Variants in C8orf34 observed in about 807,000 individuals in gnomAD.
The protein encoded by C8orf34 is uncharacterized protein C8orf34.
A neutral mutation model predicts 68.3 loss-of-function variants in C8orf34; 65 were observed. The observed-to-expected ratio is 0.95, with a 90% CI of 0.78 to 1.17. The LOEUF is 1.17. C8orf34 is among the 50% of genes most tolerant of loss of function. The pLI is 0.00. For synonymous variants in C8orf34, 244 were observed against 241.2 expected (o/e 1.01, Z -0.11); for missense variants, 664 against 655.4 (o/e 1.01, Z -0.14).
intron 7 of C8orf34, among the ~76,000 whole-genome samples, chr8:68,614,125 T>G (rs1010390890): frequency 3.9e-5 from 6 of 152,198 alleles, no homozygotes; most frequent in African/African-American, 1.2e-4. Flanking sequence ...CGCCCACTTT[T>G]TGATGGGATT....
intron 1 of C8orf34, among the ~76,000 whole-genome samples, chr8:68,385,005 T>C (rs148847751): frequency 2.0e-5 from 3 of 152,328 alleles, no homozygotes; most frequent in African/African-American, 4.8e-5. Flanking sequence ...GAAAAAAATA[T>C]GCAATATGCT....
At chr8:68,393,167 T>C (rs1439327963) in intron 1 of C8orf34, among the ~76,000 whole-genome samples, 1 of 152,166 alleles carries the variant, frequency 6.6e-6, no homozygotes, top group Non-Finnish European at 1.5e-5. Context: ...GTCTAGATGG[T>C]CTGAAACCAG....
intron 10 of C8orf34, among the ~76,000 whole-genome samples, chr8:68,767,859 G>C (rs984719748): frequency 1.3e-5 from 2 of 152,082 alleles, no homozygotes; most frequent in Non-Finnish European, 2.9e-5. Flanking sequence ...AGCAGCCAGT[G>C]ATACTAAATA....
chr8:68,730,866 C>A (rs1377515537), intron 10 of C8orf34, among the ~76,000 whole-genome samples: 2 of 152,064 alleles, frequency 1.3e-5, no homozygotes, highest in Non-Finnish European at 2.9e-5. Context: ...AGATCCCAGT[C>A]ATGAGTCTGT....
intron 7 of C8orf34, among the ~76,000 whole-genome samples, chr8:68,571,851 T>C (rs748991205): frequency 6.6e-6 from 1 of 152,146 alleles, no homozygotes; most frequent in Non-Finnish European, 1.5e-5. Context: ...CTAACAATAA[T>C]GACACACGTA....
chr8:68,724,856 C>T (rs1001788504), intron 10 of C8orf34, among the ~76,000 whole-genome samples: 1 of 151,992 alleles, frequency 6.6e-6, no homozygotes, highest in Non-Finnish European at 1.5e-5. Context: ...ATTTCTATGG[C>T]TTTCTTATTT....
intron 7 of C8orf34, among the ~76,000 whole-genome samples, chr8:68,640,146 A>G (rs906749665): frequency 6.6e-6 from 1 of 152,192 alleles, no homozygotes; most frequent in Non-Finnish European, 1.5e-5. Flanking sequence ...CACTCTCCAT[A>G]TATTCAGTCT....
intron 3 of C8orf34, among the ~76,000 whole-genome samples, chr8:68,462,345 G>C (rs137931117): frequency 6.6e-6 from 1 of 152,146 alleles, no homozygotes; most frequent in East Asian, 1.9e-4. Flanking sequence ...AATAATGGGA[G>C]AATCTAATAC....
chr8:68,606,450 A>G (rs1281367234), intron 7 of C8orf34, among the ~76,000 whole-genome samples: 1 of 152,170 alleles, frequency 6.6e-6, no homozygotes, highest in Non-Finnish European at 1.5e-5. Flanking sequence ...CCCATAACTT[A>G]CAGAGAGAGG....
chr8:68,549,856 T>C (rs1170580577), intron 7 of C8orf34, among the ~76,000 whole-genome samples: 2 of 151,776 alleles, frequency 1.3e-5, no homozygotes, highest in Non-Finnish European at 3.0e-5. Context: ...AAGCCCCTCT[T>C]TTATCCCTGA....
chr8:68,598,238 C>G (rs1026740028), intron 7 of C8orf34, among the ~76,000 whole-genome samples: 4 of 152,128 alleles, frequency 2.6e-5, no homozygotes, highest in African/African-American at 7.2e-5. Flanking sequence ...GAAGACAGTA[C>G]AGATGGGCTT....
At chr8:68,769,107 G>T (rs954928486) in intron 10 of C8orf34, among the ~76,000 whole-genome samples, 1 of 151,872 alleles carries the variant, frequency 6.6e-6, no homozygotes, top group African/African-American at 2.4e-5. Flanking sequence ...CAGGCATGCA[G>T]TGCAATGTGT....
In C8orf34 at chr8:68,723,809, A is replaced by G. The variant is rs138289384; in HGVS notation, c.1404+2372A>G. On this transcript the variant is annotated intron_variant, in intron 10 of 13. Transcript: ENST00000518698. ...AATAATACATAAAAATGCAAAGAAA[A>G]AAGAAATTAGCTTTATTTGACCGAA... Among the ~76,000 whole-genome samples, 670 of 152,260 alleles carry G rather than the reference A, an allele frequency of 4.4e-3. 10 individuals are homozygous for G. The highest frequency in any genetic ancestry group is 0.015 in the African/African-American group (632 of 41,562).
chr8:68,816,981 A>G (rs970854810), intron 13 of C8orf34, among the ~76,000 whole-genome samples: 2 of 152,164 alleles, frequency 1.3e-5, no homozygotes, highest in African/African-American at 4.8e-5. Flanking sequence ...TCCTCAGCCC[A>G]TCAAGTGTGC....
intron 1 of C8orf34, among the ~76,000 whole-genome samples, chr8:68,418,729 G>A (rs981013061): frequency 2.6e-5 from 4 of 152,072 alleles, no homozygotes; most frequent in Non-Finnish European, 2.9e-5. Context: ...AAGCAATGGG[G>A]AAAGGATTCC....
At chr8:68,567,065 A>G (rs1816612035) in intron 7 of C8orf34, among the ~76,000 whole-genome samples, 1 of 151,994 alleles carries the variant, frequency 6.6e-6, no homozygotes, top group East Asian at 1.9e-4. Flanking sequence ...ATCTATGTTC[A>G]TCTATGTTGG....
chr8:68,700,188 A>G (rs1343983747), intron 8 of C8orf34, among the ~76,000 whole-genome samples: 3 of 152,124 alleles, frequency 2.0e-5, no homozygotes, highest in Non-Finnish European at 4.4e-5. Context: ...AGAAAAGAAT[A>G]TACTAAAATA....
At chr8:68,808,935 C>T (rs1408531637) in intron 12 of C8orf34, among the ~76,000 whole-genome samples, 1 of 129,880 alleles carries the variant, frequency 7.7e-6, no homozygotes, top group African/African-American at 3.6e-5. Flanking sequence ...TAAGTGTTCA[C>T]TGTAATTACT....
chr8:68,640,240 T>G, intron 7 of C8orf34, 136 bp from the exon 8 acceptor site: 2 of 692,174 alleles, frequency 2.9e-6, no homozygotes, highest in Non-Finnish European at 4.8e-6. Context: ...AATTGATATA[T>G]GTAGTTAGAT....
Sources: gnomAD v4.1 joint callset for allele counts (sites outside exome capture counted in the v4.1 genomes callset) on GRCh38, gnomAD v4.1.1 for gene constraint, MANE v1.5 for transcripts, NCBI Gene and HGNC (gene_info 2026-07-23, HGNC 2026-07-21) for gene names.